Variants in BCL11B observed in about 807,000 individuals in gnomAD.
BCL11B encodes B-cell lymphoma/leukemia 11B.
In BCL11B, 8 loss-of-function variants were observed where a neutral mutation model predicts 49.9. The ratio of observed to expected loss-of-function variants is 0.16; its 90% CI spans 0.09 to 0.29. The LOEUF (loss-of-function observed/expected upper bound fraction) is 0.29. Among genes scored for constraint, BCL11B ranks in the 10% least tolerant of loss-of-function variants. The pLI is 1.00. For missense variants in BCL11B, 1,006 were observed against 1,351.0 expected (o/e 0.74, Z 4.00); for synonymous variants, 739 against 637.4 (o/e 1.16, Z -2.40).
chr14:99,220,278 C>CGT (rs1887970731), intron 3 of BCL11B, among the ~76,000 whole-genome samples: 1 of 151,862 alleles, frequency 6.6e-6, no homozygotes, highest in Non-Finnish European at 1.5e-5. Context: ...AGGATTCAAA[C>CGT]AGATTATTGT....
At position 99,192,644 on chromosome 14, in the gene BCL11B, A is replaced by G. The variant is rs946941208; in HGVS notation, c.641-16449T>C. Among the ~76,000 whole-genome samples the G allele has an allele frequency of 3.3e-5, 5 of 152,152 alleles. No homozygotes were observed. The South Asian group carries it at 1.0e-3, about 31-fold the overall frequency. On this transcript the variant is annotated intron_variant, in intron 3 of 3. Coordinates refer to ENST00000357195, the MANE Select transcript of BCL11B (RefSeq NM_138576.4). The surrounding 1 kb of genome is among the most constrained non-coding windows in gnomAD (Gnocchi z 4.0). ...GAAGGGACATGGCAACTTGGGAACC[A>G]CACTGGGGCTGGGGCTGTGGGCCAG...
chr14:99,170,260 C>A lies in BCL11B; in HGVS notation c.*3891G>T, dbSNP rs919165055. 1.8e-5 allele frequency: 4 copies of A among 221,804 alleles called. No homozygotes were observed. Among genetic ancestry groups the A allele is most frequent in the African/African-American group, 6.7e-5 (3 of 44,686 alleles). The allele number at this position is 221,804 out of a possible 1,614,324, so 13.7% of individuals were successfully genotyped here. Reference sequence around the variant, plus strand: ...CAGCTTTCTCTCCCATTCCCTCCCCCCTTTTTTTTAACTTTGCAAAGGTAA... The same window carrying A: ...CAGCTTTCTCTCCCATTCCCTCCCCACTTTTTTTTAACTTTGCAAAGGTAA... On this transcript the variant is annotated 3_prime_UTR_variant, in exon 4 of 4. Coordinates refer to ENST00000357195, the MANE Select transcript of BCL11B (RefSeq NM_138576.4).
intron 3 of BCL11B, among the ~76,000 whole-genome samples, chr14:99,199,683 T>TGTGTGTGTGTGTGTGTGTGCGCGCGCGC (rs759599743): frequency 5.4e-5 from 4 of 73,644 alleles, no homozygotes; most frequent in African/African-American, 1.4e-4. Context: ...TGTGTGTGTG[T>TGTGTGTGTGTGTGTGTGTGCGCGCGCGC]GCGCGCGCGC....
In BCL11B at chr14:99,171,904, A is replaced by C. The variant is rs1265399924; in HGVS notation, c.*2247T>G. On this transcript the variant is annotated 3_prime_UTR_variant, in exon 4 of 4. Coordinates refer to ENST00000357195, the MANE Select transcript of BCL11B (RefSeq NM_138576.4). ...GTAAAATGCCCAGGCATTCTCGATT[A>C]TTACAAATACTGGTCCACTTTTACA... 1 of 202,310 alleles carries C rather than the reference A, an allele frequency of 4.9e-6. No homozygotes were observed. The highest frequency in any genetic ancestry group is 1.0e-5 in the Non-Finnish European group (1 of 98,244). 12.5% of individuals were successfully genotyped at this position (202,310 alleles called of 1,614,324 possible). A position where few individuals can be genotyped will look rare whatever the true frequency, so the allele number is the denominator to read the frequency against.
At chr14:99,226,093 G>A (rs1257450) in intron 3 of BCL11B, among the ~76,000 whole-genome samples, 81,999 of 152,164 alleles carry the variant, frequency 0.54, 23,375 homozygotes, top group Admixed American at 0.66. Context: ...CACTGTGAAG[G>A]CTGGGTTGCA....
chr14:99,270,750 TCCCCCTCCCCCTCCGCTCCCCCAG>T (rs1203455656), intron 1 of BCL11B, among the ~76,000 whole-genome samples: 1 of 119,634 alleles, frequency 8.4e-6, no homozygotes, highest in African/African-American at 3.2e-5. Context: ...ACTTCCCGGC[TCCCCCTCCCCCTCCGCTCCCCCAG>T]CCCCCTCCCC....
chr14:99,185,957 T>C (rs1886840788), intron 3 of BCL11B, among the ~76,000 whole-genome samples: 1 of 152,214 alleles, frequency 6.6e-6, no homozygotes, highest in African/African-American at 2.4e-5. Flanking sequence ...CTTCCTCCCT[T>C]CCTTCACAGA....
intron 3 of BCL11B, among the ~76,000 whole-genome samples, chr14:99,221,751 T>G (rs780696255): frequency 6.6e-6 from 1 of 152,238 alleles, no homozygotes; most frequent in South Asian, 2.1e-4. Context: ...ACCTGTGAAC[T>G]ACAAGAGAAG....
chr14:99,244,428 G>C (rs2139923078), intron 2 of BCL11B, among the ~76,000 whole-genome samples: 1 of 152,200 alleles, frequency 6.6e-6, no homozygotes, highest in African/African-American at 2.4e-5. Context: ...CTTTCTTTCT[G>C]TAAAGGAATC....
intron 3 of BCL11B, among the ~76,000 whole-genome samples, chr14:99,178,797 T>A (rs1181252385): frequency 6.6e-6 from 1 of 152,242 alleles, no homozygotes; most frequent in East Asian, 1.9e-4. Flanking sequence ...AGATCGTTCC[T>A]GTACCCTGCA....
At chr14:99,261,486 A>G (rs1889336938) in intron 1 of BCL11B, among the ~76,000 whole-genome samples, 1 of 152,224 alleles carries the variant, frequency 6.6e-6, no homozygotes, top group Non-Finnish European at 1.5e-5. Flanking sequence ...TCTAACAGGC[A>G]GAGTGGTCCA....
At chr14:99,267,442 T>TG (rs1889515855) in intron 1 of BCL11B, among the ~76,000 whole-genome samples, 1 of 152,062 alleles carries the variant, frequency 6.6e-6, no homozygotes, top group Non-Finnish European at 1.5e-5. Flanking sequence ...ATAACACCTT[T>TG]GGTGAACACG....
At chr14:99,221,948 C>T (rs1212447208) in intron 3 of BCL11B, among the ~76,000 whole-genome samples, 1 of 152,228 alleles carries the variant, frequency 6.6e-6, no homozygotes, top group African/African-American at 2.4e-5. Flanking sequence ...GGAACCATAT[C>T]TGAGTTTGAT....
intron 2 of BCL11B, among the ~76,000 whole-genome samples, chr14:99,238,525 G>A (rs914057827): frequency 6.6e-6 from 1 of 152,212 alleles, no homozygotes; most frequent in South Asian, 2.1e-4. Flanking sequence ...TGAGGGAGCA[G>A]AGGACACTTC....
At chr14:99,269,846 C>T (rs1177450871) in intron 1 of BCL11B, among the ~76,000 whole-genome samples, 5 of 125,476 alleles carry the variant, frequency 4.0e-5, no homozygotes, top group Admixed American at 2.9e-4. Flanking sequence ...CTCGATGGCA[C>T]CCAGAGGATG....
chr14:99,261,146 C>A (rs1298589141), intron 1 of BCL11B, among the ~76,000 whole-genome samples: 1 of 152,188 alleles, frequency 6.6e-6, no homozygotes, highest in African/African-American at 2.4e-5. Flanking sequence ...AGCAAGGTCA[C>A]CCTCAACATC....
intron 1 of BCL11B, among the ~76,000 whole-genome samples, chr14:99,267,155 A>G (rs531995320): frequency 6.6e-6 from 1 of 152,256 alleles, no homozygotes; most frequent in Admixed American, 6.5e-5. Flanking sequence ...GCTTCACAAA[A>G]GCAACTGCAT....
chr14:99,211,542 GCACA>G (rs893793990), intron 3 of BCL11B, among the ~76,000 whole-genome samples: 15 of 152,192 alleles, frequency 9.9e-5, no homozygotes, highest in African/African-American at 2.7e-4. Context: ...GCACTCGTGT[GCACA>G]CAGACATATG....
chr14:99,237,073 G>A (rs1254310445), intron 2 of BCL11B, among the ~76,000 whole-genome samples: 1 of 150,868 alleles, frequency 6.6e-6, no homozygotes, highest in Non-Finnish European at 1.5e-5. Context: ...GGCTGTGGGG[G>A]GTGTAGAGGG....
Sources: allele counts gnomAD v4.1 joint callset (sites outside exome capture counted in the v4.1 genomes callset), GRCh38; gene constraint gnomAD v4.1.1; non-coding constraint Gnocchi (gnomAD v3.1); transcripts MANE v1.5; gene names NCBI Gene and HGNC (gene_info 2026-07-23, HGNC 2026-07-21).